PCLO: variants seen among roughly 807,000 people sequenced by gnomAD.
PCLO encodes piccolo presynaptic cytomatrix protein.
Under a neutral mutation model 427.5 loss-of-function variants are expected in PCLO, and 82 were observed. The ratio of observed to expected loss-of-function variants is 0.19; its 90% CI spans 0.16 to 0.23. The LOEUF (loss-of-function observed/expected upper bound fraction) is 0.23, where lower values mean the gene tolerates loss of function less well. Ranked by LOEUF, PCLO falls within the 10% of genes least tolerant of loss-of-function variation. The probability of loss-of-function intolerance (pLI) is 1.00; values close to 1 mark genes in which losing one functional copy is unlikely to be tolerated. For synonymous variants in PCLO, 2,357 were observed against 2,155.4 expected, an observed-to-expected ratio of 1.09 and a Z score of -2.59; for missense variants, 6,239 against 6,115.9, an observed-to-expected ratio of 1.02 and a Z score of -0.67.
At chr7:82,862,566 C>CTAA (rs1792986084) in intron 10 of PCLO, among the ~76,000 whole-genome samples, 3 of 92,192 alleles carry the variant, frequency 3.3e-5, no homozygotes, top group Non-Finnish European at 2.2e-5. Context: ...GACTCTGCCT[C>CTAA]AAAAAAAAAA....
intron 3 of PCLO, among the ~76,000 whole-genome samples, chr7:83,127,561 A>G (rs1206453145): frequency 1.3e-5 from 2 of 152,142 alleles, no homozygotes; most frequent in Non-Finnish European, 2.9e-5. Context: ...AAAATTATTG[A>G]AATAGAATTT....
intron 3 of PCLO, among the ~76,000 whole-genome samples, chr7:83,054,633 T>C (rs1275177511): frequency 6.6e-6 from 1 of 151,954 alleles, no homozygotes; most frequent in Non-Finnish European, 1.5e-5. Context: ...ACAACAATCC[T>C]CCCTTCTGGA....
intron 3 of PCLO, among the ~76,000 whole-genome samples, chr7:83,036,863 C>T (rs1788809217): frequency 6.6e-6 from 1 of 152,090 alleles, no homozygotes. Context: ...TCCAAGGCTG[C>T]TTCTTCATGA....
chr7:82,953,939 G>T lies in PCLO; in HGVS notation c.7014C>A (p.Thr2338=). 1 of 1,613,816 alleles carries T rather than the reference G, an allele frequency of 6.2e-7. No homozygotes were observed. Among genetic ancestry groups the T allele is most frequent in the South Asian group, 1.1e-5 (1 of 91,062 alleles). The change falls in exon 5 of 25, where the codon ACC becomes ACA. Residue 2338 remains threonine (T), a synonymous_variant. Transcript: ENST00000333891. ...AERTKSSLSE[T]VFDHPPSSVI... is the part of the protein sequence containing the mutation. The stretch of plus-strand genomic sequence containing the variant: ...CAGAAGAAGGTGGGTGATCAAACAC[G>T]GTTTCGGATAAGCTACTTTTTGTTC...
At chr7:82,838,491 G>A in intron 14 of PCLO, 149 bp from the exon 15 acceptor site, 3 of 539,154 alleles carry the variant, frequency 5.6e-6, no homozygotes, top group South Asian at 5.2e-5. Flanking sequence ...ACCAGTTAAT[G>A]TCTAATTTAA....
At chr7:83,147,462 T>C (rs768852921) in intron 2 of PCLO, among the ~76,000 whole-genome samples, 36 of 152,168 alleles carry the variant, frequency 2.4e-4, no homozygotes, top group Non-Finnish European at 4.3e-4. Flanking sequence ...CTAGGTACTT[T>C]ATTTTTTTCT....
chr7:83,024,060 G>A (rs1353130694), intron 3 of PCLO, among the ~76,000 whole-genome samples: 3 of 152,144 alleles, frequency 2.0e-5, no homozygotes, highest in Admixed American at 2.0e-4. Flanking sequence ...AGGTGCTAAT[G>A]ATACATACTC....
intron 3 of PCLO, among the ~76,000 whole-genome samples, chr7:82,998,694 C>G (rs1302289224): frequency 6.6e-6 from 1 of 151,956 alleles, no homozygotes; most frequent in Non-Finnish European, 1.5e-5. Flanking sequence ...CTGCCCCACA[C>G]CTTACCACCA....
At chr7:83,053,450 T>G (rs1341153707) in intron 3 of PCLO, among the ~76,000 whole-genome samples, 4 of 151,772 alleles carry the variant, frequency 2.6e-5, no homozygotes, top group African/African-American at 9.7e-5. Context: ...AATGTGCCCA[T>G]CAAATATCTG....
intron 3 of PCLO, among the ~76,000 whole-genome samples, chr7:83,058,597 A>G (rs1789461630): frequency 6.6e-6 from 1 of 152,176 alleles, no homozygotes; most frequent in African/African-American, 2.4e-5. Context: ...CAAACACTTA[A>G]TCTTTCAGGT....
intron 3 of PCLO, among the ~76,000 whole-genome samples, chr7:83,025,513 A>G (rs1438275168): frequency 5.9e-5 from 9 of 152,092 alleles, no homozygotes; most frequent in Non-Finnish European, 1.3e-4. Context: ...GAATGGAACC[A>G]AGTTGGAAAA....
At chr7:82,866,696 A>ACACACC (rs1554344142) in intron 10 of PCLO, among the ~76,000 whole-genome samples, 1 of 140,438 alleles carries the variant, frequency 7.1e-6, no homozygotes, top group Non-Finnish European at 1.6e-5. Context: ...ACACACACAC[A>ACACACC]CCCCTTTAAT....
rs1322293838 is a variant in PCLO at position 82,950,355 on chromosome 7, T to C, written c.10233A>G (p.Lys3411=). The change falls in exon 6 of 25, where the codon AAA becomes AAG. Residue 3411 remains lysine, a synonymous_variant. Transcript: ENST00000333891. ...GGACTTTAGCTCCAGAACTTCTCTT[T>C]TTGGGTTGTTTTTCCTCTTTCACAA... ...DVVVKEEKQP[K]KRSSGAKVRG... 2.5e-6 allele frequency: 4 copies of C among 1,613,586 alleles called. No individual in the cohort carries two copies. In the African/African-American group the frequency reaches 5.3e-5, roughly 22 times the overall value.
intron 3 of PCLO, among the ~76,000 whole-genome samples, chr7:83,082,807 T>C (rs1790135835): frequency 6.6e-6 from 1 of 151,366 alleles, no homozygotes; most frequent in Non-Finnish European, 1.5e-5. Flanking sequence ...ATAAAAAATA[T>C]CTGAAAAAGA....
At chr7:83,116,265 C>CA (rs147794227) in intron 3 of PCLO, among the ~76,000 whole-genome samples, 77,594 of 151,770 alleles carry the variant, frequency 0.51, 20,299 homozygotes, top group East Asian at 0.63. Flanking sequence ...AGGAGAAATG[C>CA]AATCAATTTA....
intron 10 of PCLO, among the ~76,000 whole-genome samples, chr7:82,876,813 A>G (rs1793384779): frequency 6.6e-6 from 1 of 152,140 alleles, no homozygotes; most frequent in South Asian, 2.1e-4. Context: ...AAGAGTAAAT[A>G]CAGCTGGAAA....
At chr7:83,083,855 T>C (rs949011219) in intron 3 of PCLO, among the ~76,000 whole-genome samples, 16 of 152,124 alleles carry the variant, frequency 1.1e-4, no homozygotes, top group African/African-American at 2.7e-4. Flanking sequence ...TGATATATCT[T>C]TTAAAGGAGC....
Position 82,988,930 on chromosome 7 carries a change from G to T in PCLO, c.3301-22443C>A, listed in dbSNP as rs578189193. 1.9e-4 allele frequency among the ~76,000 whole-genome samples: 29 copies of T among 152,038 alleles called. 1 individual carries two copies. Among genetic ancestry groups the T allele is most frequent in the African/African-American group, 7.0e-4 (29 of 41,502 alleles). ...GCTCACCGCAACCTCTGCCTCCCGG[G>T]TTCAAGCGATTCTCCTGCCTCAGCC... is the stretch of plus-strand genomic sequence containing the variant. On this transcript the variant is annotated intron_variant, in intron 3 of 24. Transcript: ENST00000333891.
chr7:82,986,513 A>G (rs1226548525), intron 3 of PCLO, among the ~76,000 whole-genome samples: 2 of 151,944 alleles, frequency 1.3e-5, no homozygotes, highest in Admixed American at 6.6e-5. Flanking sequence ...TTATATTTAA[A>G]TTATTCATTT....
Sources: gnomAD v4.1 joint callset for allele counts (sites outside exome capture counted in the v4.1 genomes callset) on GRCh38, gnomAD v4.1.1 for gene constraint, MANE v1.5 for transcripts, NCBI Gene and HGNC (gene_info 2026-07-23, HGNC 2026-07-21) for gene names.